Variants in ABHD17C observed in about 807,000 individuals in gnomAD.
The protein encoded by ABHD17C is abhydrolase domain containing 17C, depalmitoylase.
ABHD17C carries 11 observed loss-of-function variants against 27.9 expected under a neutral mutation model. That is an observed-to-expected ratio of 0.39 (90% CI 0.25 to 0.65). ABHD17C has a LOEUF of 0.65. Ranked by LOEUF, ABHD17C falls within the 30% of genes least tolerant of loss-of-function variation. The pLI is 0.45. For synonymous variants in ABHD17C, 233 were observed against 209.1 expected (o/e 1.11, Z -0.98); for missense variants, 280 against 470.2 (o/e 0.60, Z 3.74).
chr15:80,695,897 C>G lies in ABHD17C; in HGVS notation c.468C>G (p.Gly156=). The change falls in exon 1 of 3, where the codon GGC becomes GGG. Residue 156 remains glycine, a synonymous_variant. Coordinates refer to ENST00000258884, the MANE Select transcript of ABHD17C (RefSeq NM_021214.2). The surrounding 1 kb of genome is among the most constrained non-coding windows in gnomAD (Gnocchi z 4.3). ...TGTGCAGCTTCTACATTGGCCTCGG[C>G]TCCCGCATCAACTGCAACATCTTCT... ...GQMCSFYIGL[G]SRINCNIFSY... 8 of 1,597,378 alleles carry G rather than the reference C, an allele frequency of 5.0e-6. No homozygotes were observed. Among genetic ancestry groups the G allele is most frequent in the Non-Finnish European group, 6.8e-6 (8 of 1,179,276 alleles).
rs780442140 is a variant in ABHD17C, at chr15:80,749,624, T to C, written c.702T>C (p.Pro234=). The change falls in exon 2 of 3, where the codon CCT becomes CCC. Residue 234 remains proline, a synonymous_variant. Coordinates refer to ENST00000258884, the MANE Select transcript of ABHD17C (RefSeq NM_021214.2). ...GCGCAGCGGTAATTCTCCATTCCCC[T>C]CTGATGTCTGGTTTGCGTGTGGCTT... ...YECAAVILHS[P]LMSGLRVAFP... 13 of 1,613,886 alleles carry C rather than the reference T, an allele frequency of 8.1e-6. No individual in the cohort carries two copies. In the African/African-American group the frequency reaches 1.2e-4, roughly 15 times the overall value.
At chr15:80,717,272 G>C (rs201651351) in intron 1 of ABHD17C, among the ~76,000 whole-genome samples, 1 of 556 alleles carries the variant, frequency 1.8e-3, no homozygotes, top group African/African-American at 9.6e-3. Flanking sequence ...AAAAAAAAAA[G>C]AGTTTTGGCA....
chr15:80,718,249 AT>A (rs11368250), intron 1 of ABHD17C, among the ~76,000 whole-genome samples: 17,475 of 149,978 alleles, frequency 0.12, 1,087 homozygotes, highest in East Asian at 0.18. Context: ...CTTGTAGTTT[AT>A]TTTTTTTTTG....
chr15:80,735,366 A>G (rs1472795567), intron 1 of ABHD17C, among the ~76,000 whole-genome samples: 1 of 152,166 alleles, frequency 6.6e-6, no homozygotes, highest in Non-Finnish European at 1.5e-5. Flanking sequence ...ACTTACCTAT[A>G]GAATTGTCTT....
chr15:80,741,940 T>C (rs1481206184), intron 1 of ABHD17C, among the ~76,000 whole-genome samples: 1 of 152,014 alleles, frequency 6.6e-6, no homozygotes, highest in Admixed American at 6.6e-5. Flanking sequence ...TAGTGTAGAC[T>C]CTGTATGCTG....
intron 1 of ABHD17C, among the ~76,000 whole-genome samples, chr15:80,727,133 A>T (rs1221815841): frequency 6.6e-6 from 1 of 152,218 alleles, no homozygotes; most frequent in Non-Finnish European, 1.5e-5. Context: ...AGGGGGTGTG[A>T]TGAATTCTTA....
At chr15:80,741,921 A>T (rs1166774752) in intron 1 of ABHD17C, among the ~76,000 whole-genome samples, 2 of 152,206 alleles carry the variant, frequency 1.3e-5, no homozygotes, top group African/African-American at 4.8e-5. Context: ...TAAGTGACTA[A>T]TGGGCAGGTA....
Position 80,695,382 on chromosome 15 carries a change from GCC to G in ABHD17C, c.-47_-46del. 8.7e-7 allele frequency: 1 copy of G among 1,154,022 alleles called. No homozygotes were observed. The highest frequency in any genetic ancestry group is 1.1e-6 in the Non-Finnish European group (1 of 928,468). 71.5% of individuals were successfully genotyped at this position (1,154,022 alleles called of 1,614,324 possible). ...GTCCGTCCTCCGTCCTCCCGGGCCA[GCC>G]AGCCAGCCAGCCAGCCGGGCCGGCG... On this transcript the variant is annotated 5_prime_UTR_variant, in exon 1 of 3. Transcript: ENST00000258884. The surrounding 1 kb of genome is among the most constrained non-coding windows in gnomAD (Gnocchi z 4.3).
At chr15:80,713,534 G>C (rs1894757790) in intron 1 of ABHD17C, among the ~76,000 whole-genome samples, 1 of 151,882 alleles carries the variant, frequency 6.6e-6, no homozygotes, top group African/African-American at 2.4e-5. Context: ...TACAGGCCAG[G>C]TGCAGTGGCT....
intron 1 of ABHD17C, among the ~76,000 whole-genome samples, chr15:80,716,001 A>G (rs140514312): frequency 6.6e-6 from 1 of 152,318 alleles, no homozygotes; most frequent in East Asian, 1.9e-4. Flanking sequence ...TTGAGCCATG[A>G]TAACCTATAT....
At chr15:80,706,172 T>C (rs4778619) in intron 1 of ABHD17C, among the ~76,000 whole-genome samples, 15,455 of 152,302 alleles carry the variant, frequency 0.1, 1,459 homozygotes, top group East Asian at 0.55. Flanking sequence ...ATATGAATGC[T>C]CCCATAATGC....
At chr15:80,725,185 A>G (rs1003662035) in intron 1 of ABHD17C, among the ~76,000 whole-genome samples, 6 of 152,216 alleles carry the variant, frequency 3.9e-5, no homozygotes, top group Non-Finnish European at 8.8e-5. Context: ...GAATATAACA[A>G]CGAATACAAC....
chr15:80,727,781 A>G (rs896524092), intron 1 of ABHD17C, among the ~76,000 whole-genome samples: 164 of 152,058 alleles, frequency 1.1e-3, no homozygotes, highest in Admixed American at 0.011. Flanking sequence ...GTTTCCGAGT[A>G]AGGTTCTGGT....
At chr15:80,749,491 A>G (rs751207579) in intron 1 of ABHD17C, 22 bp from the exon 2 acceptor site, 45 of 1,611,248 alleles carry the variant, frequency 2.8e-5, no homozygotes, top group Middle Eastern at 1.6e-4. Flanking sequence ...AGCTAATGGC[A>G]TACAACCTCT....
intron 1 of ABHD17C, among the ~76,000 whole-genome samples, chr15:80,728,507 A>C (rs1895013830): frequency 6.6e-6 from 1 of 150,696 alleles, no homozygotes; most frequent in South Asian, 2.1e-4. Context: ...GGCCTCATCC[A>C]TTCCCCTCAC....
chr15:80,711,924 G>T (rs1389043723), intron 1 of ABHD17C, among the ~76,000 whole-genome samples: 1 of 152,174 alleles, frequency 6.6e-6, no homozygotes, highest in African/African-American at 2.4e-5. Context: ...ATGAAAGACT[G>T]CTGCCTGTAT....
rs191356794 is a variant in ABHD17C at position 80,700,793 on chromosome 15, C to G, written c.590+4774C>G. Among the ~76,000 whole-genome samples the G allele has an allele frequency of 8.8e-4, 134 of 152,090 alleles. 2 individuals are homozygous for G. Among genetic ancestry groups the G allele is most frequent in the Middle Eastern group, 3.4e-3 (1 of 294 alleles). On this transcript the variant is annotated intron_variant, in intron 1 of 2. Transcript: ENST00000258884. ...GTGTGTGCCTGTAGTTCCAGCTACC[C>G]AGGAGGCTGAGGTGGGAGGATCGTC...
chr15:80,741,675 TAGA>T (rs1895213863), intron 1 of ABHD17C, among the ~76,000 whole-genome samples: 1 of 152,198 alleles, frequency 6.6e-6, no homozygotes. Flanking sequence ...ATCTCACAGG[TAGA>T]AGATTTGTTC....
intron 1 of ABHD17C, among the ~76,000 whole-genome samples, chr15:80,705,702 G>A (rs1203546566): frequency 6.6e-6 from 1 of 152,182 alleles, no homozygotes; most frequent in Non-Finnish European, 1.5e-5. Context: ...GTCAAGCCTA[G>A]CTTGGTGGAT....
Sources: allele counts gnomAD v4.1 joint callset (sites outside exome capture counted in the v4.1 genomes callset), GRCh38; gene constraint gnomAD v4.1.1; non-coding constraint Gnocchi (gnomAD v3.1); transcripts MANE v1.5; gene names NCBI Gene and HGNC (gene_info 2026-07-23, HGNC 2026-07-21).